Variants in KCNH7 observed in about 807,000 individuals in gnomAD.
KCNH7 encodes potassium voltage-gated channel subfamily H member 7.
Under a neutral mutation model 120.8 loss-of-function variants are expected in KCNH7, and 49 were observed. The ratio of observed to expected loss-of-function variants is 0.41; its 90% confidence interval spans 0.32 to 0.51. KCNH7 has a LOEUF of 0.51. KCNH7 is among the 20% of genes least tolerant of loss of function. The pLI, the probability that KCNH7 is intolerant of heterozygous loss-of-function variation, is 0.38. For synonymous variants in KCNH7, 547 were observed against 516.1 expected (o/e 1.06, Z -0.81); for missense variants, 1,097 against 1,446.6 (o/e 0.76, Z 3.92).
rs372106732 is a variant in KCNH7, at chr2:162,663,344, G to T, written c.308-126264C>A. Among the ~76,000 whole-genome samples the T allele has an allele frequency of 1.2e-3, 186 of 152,146 alleles. 3 individuals are homozygous for T. In the South Asian group the frequency reaches 0.02, roughly 16 times the overall value. On this transcript the variant is annotated intron_variant, in intron 2 of 15. Coordinates refer to ENST00000332142, the MANE Select transcript of KCNH7 (RefSeq NM_033272.4). ...TTTTACATTTGCAGAAATTTTTCTT[G>T]TTATGTTTTCATCAACATCTGTTTC...
chr2:162,628,380 T>C (rs1683632165), intron 2 of KCNH7, among the ~76,000 whole-genome samples: 1 of 152,114 alleles, frequency 6.6e-6, no homozygotes, highest in South Asian at 2.1e-4. Context: ...CCTTACCCCA[T>C]CCTTTCCACA....
chr2:162,735,977 T>C (rs965532508), intron 2 of KCNH7, among the ~76,000 whole-genome samples: 1 of 152,204 alleles, frequency 6.6e-6, no homozygotes, highest in Non-Finnish European at 1.5e-5. Context: ...AGTACTTGTA[T>C]GGGCCAATGA....
chr2:162,812,941 T>A (rs1684787999), intron 2 of KCNH7, among the ~76,000 whole-genome samples: 1 of 152,040 alleles, frequency 6.6e-6, no homozygotes, highest in Non-Finnish European at 1.5e-5. Flanking sequence ...ACTCAAAGAT[T>A]CCTGGAACTT....
intron 2 of KCNH7, among the ~76,000 whole-genome samples, chr2:162,805,132 T>C (rs1171405107): frequency 6.6e-6 from 1 of 151,776 alleles, no homozygotes; most frequent in East Asian, 1.9e-4. Context: ...TAAAAAATTA[T>C]AGAGGACAAC....
At chr2:162,608,760 A>G (rs377537076) in intron 2 of KCNH7, among the ~76,000 whole-genome samples, 7 of 152,276 alleles carry the variant, frequency 4.6e-5, no homozygotes, top group African/African-American at 1.4e-4. Flanking sequence ...TTGTTATTTA[A>G]CTAATGAAGC....
At chr2:162,391,896 G>A (rs1257753736) in intron 12 of KCNH7, among the ~76,000 whole-genome samples, 15 of 152,134 alleles carry the variant, frequency 9.9e-5, no homozygotes, top group Admixed American at 9.2e-4. Flanking sequence ...CAGCTTAATA[G>A]TAGTGGTTCT....
intron 2 of KCNH7, among the ~76,000 whole-genome samples, chr2:162,643,368 A>C (rs1391600103): frequency 3.3e-5 from 5 of 152,192 alleles, no homozygotes; most frequent in African/African-American, 1.2e-4. Context: ...AAAAAACAGA[A>C]AACAAAACCT....
At chr2:162,837,245 T>C (rs1274776497) in intron 1 of KCNH7, among the ~76,000 whole-genome samples, 1 of 152,228 alleles carries the variant, frequency 6.6e-6, no homozygotes, top group Non-Finnish European at 1.5e-5. Context: ...CTATCTCTCT[T>C]AGGCATGTTA....
At chr2:162,378,609 A>G (rs1686297770) in intron 14 of KCNH7, among the ~76,000 whole-genome samples, 1 of 152,240 alleles carries the variant, frequency 6.6e-6, no homozygotes. Context: ...CAGGCATATC[A>G]ACGATAGAAA....
chr2:162,378,200 C>T (rs1686282949), intron 14 of KCNH7, among the ~76,000 whole-genome samples: 1 of 152,160 alleles, frequency 6.6e-6, no homozygotes, highest in Admixed American at 6.5e-5. Flanking sequence ...ATGTAGTTCC[C>T]ATTTACATTA....
rs547079260 is a variant in KCNH7, at chr2:162,724,665, C to T, written c.307+111872G>A. 7.9e-5 allele frequency among the ~76,000 whole-genome samples: 10 copies of T among 126,606 alleles called. No individual in the cohort carries two copies. The East Asian group carries it at 3.0e-3, about 38-fold the overall frequency. 83.1% of individuals were successfully genotyped at this position (126,606 alleles called of 152,430 possible). ...CCAGCCTGGGCGACAGAGCGAGACTCCGTCTCAAAAAAAAAAAAAGAATAT... is the reference window on the plus strand; with the variant it reads ...CCAGCCTGGGCGACAGAGCGAGACTTCGTCTCAAAAAAAAAAAAAGAATAT... On this transcript the variant is annotated intron_variant, in intron 2 of 15. Coordinates refer to ENST00000332142, the MANE Select transcript of KCNH7 (RefSeq NM_033272.4).
intron 2 of KCNH7, among the ~76,000 whole-genome samples, chr2:162,758,597 A>G (rs1688867540): frequency 6.6e-6 from 1 of 152,116 alleles, no homozygotes; most frequent in African/African-American, 2.4e-5. Context: ...ACGTATCTAC[A>G]TATACATGTA....
intron 2 of KCNH7, among the ~76,000 whole-genome samples, chr2:162,807,272 A>AAAAAAAAAAAAC (rs1684580309): frequency 8.4e-6 from 1 of 119,020 alleles, no homozygotes; most frequent in Non-Finnish European, 1.8e-5. Context: ...AAAAAAAAAA[A>AAAAAAAAAAAAC]AAAAAAAAAA....
chr2:162,574,003 T>C (rs1693581526), intron 2 of KCNH7, among the ~76,000 whole-genome samples: 2 of 152,070 alleles, frequency 1.3e-5, no homozygotes, highest in South Asian at 4.1e-4. Context: ...ATTCTTAATT[T>C]ATCCAAATTA....
intron 2 of KCNH7, among the ~76,000 whole-genome samples, chr2:162,669,614 T>C (rs1156664364): frequency 1.3e-5 from 2 of 152,168 alleles, no homozygotes; most frequent in South Asian, 2.1e-4. Flanking sequence ...TTTGCACCGC[T>C]CATTCAGAGA....
chr2:162,661,727 G>A (rs986261109), intron 2 of KCNH7, among the ~76,000 whole-genome samples: 1 of 151,894 alleles, frequency 6.6e-6, no homozygotes, highest in African/African-American at 2.4e-5. Flanking sequence ...ATGGGATAAA[G>A]GTCATGTAAT....
chr2:162,416,747 G>A (rs1337299669), intron 9 of KCNH7, among the ~76,000 whole-genome samples: 1 of 152,052 alleles, frequency 6.6e-6, no homozygotes, highest in Non-Finnish European at 1.5e-5. Flanking sequence ...CATCATCAGA[G>A]GTGATGCCCC....
intron 2 of KCNH7, among the ~76,000 whole-genome samples, chr2:162,597,222 T>C (rs1225175114): frequency 6.6e-6 from 1 of 152,072 alleles, no homozygotes; most frequent in African/African-American, 2.4e-5. Flanking sequence ...GAAATCGATA[T>C]ACCGTAGAGA....
intron 2 of KCNH7, among the ~76,000 whole-genome samples, chr2:162,560,539 A>G (rs1023559252): frequency 7.2e-5 from 11 of 152,172 alleles, no homozygotes; most frequent in African/African-American, 2.7e-4. Flanking sequence ...ACAGAAGATA[A>G]TGTATCATGC....
Sources: gnomAD v4.1 joint callset for allele counts (sites outside exome capture counted in the v4.1 genomes callset) on GRCh38, gnomAD v4.1.1 for gene constraint, MANE v1.5 for transcripts, NCBI Gene and HGNC (gene_info 2026-07-23, HGNC 2026-07-21) for gene names.